The following MINDY2 variants were observed in gnomAD, a reference collection of about 807,000 sequenced individuals.
MINDY2 encodes the protein MINDY lysine 48 deubiquitinase 2.
In MINDY2, 52 loss-of-function variants were observed where a neutral mutation model predicts 68.2. The observed-to-expected ratio is 0.76, with a 90% confidence interval of 0.61 to 0.96. The LOEUF (loss-of-function observed/expected upper bound fraction) is 0.96. MINDY2 is among the 40% of genes least tolerant of loss of function. MINDY2 has a pLI of 0.00. For synonymous variants in MINDY2, 372 were observed against 303.0 expected (o/e 1.23, Z -2.36); for missense variants, 881 against 773.4 (o/e 1.14, Z -1.65).
intron 1 of MINDY2, among the ~76,000 whole-genome samples, chr15:58,774,996 G>A (rs1399706795): frequency 2.6e-5 from 4 of 152,160 alleles, no homozygotes; most frequent in Non-Finnish European, 4.4e-5. Flanking sequence ...AGTAATCATT[G>A]ATGAAGAGAT....
At chr15:58,815,625 G>A (rs1162066389) in intron 4 of MINDY2, 1 of 151,702 alleles carries the variant, frequency 6.6e-6, no homozygotes, top group African/African-American at 2.4e-5. Context: ...CTGCATTACA[G>A]GCATGAGCCA....
chr15:58,772,713 G>A lies in MINDY2; in HGVS notation c.840+478G>A, dbSNP rs1433009671. On this transcript the variant is annotated intron_variant, in intron 1 of 8. Coordinates refer to ENST00000559228, the MANE Select transcript of MINDY2 (RefSeq NM_001040450.3). ...TTGTGTGTAGATACTTAAGAGAATG[G>A]TGATGGGGAAGATGTGGCTCTTTAG... Among the ~76,000 whole-genome samples, 3 of 152,196 alleles carry A rather than the reference G, an allele frequency of 2.0e-5. No homozygotes were observed. In the East Asian group the frequency reaches 5.8e-4, roughly 29 times the overall value.
At chr15:58,834,885 A>G (rs1271849615) in intron 6 of MINDY2, among the ~76,000 whole-genome samples, 2 of 152,224 alleles carry the variant, frequency 1.3e-5, no homozygotes, top group East Asian at 3.8e-4. Context: ...GCTCATTTGT[A>G]TAACTTCAAC....
chr15:58,844,797 G>A (rs140997149), intron 6 of MINDY2, among the ~76,000 whole-genome samples: 38 of 149,422 alleles, frequency 2.5e-4, no homozygotes, highest in African/African-American at 8.9e-4. Context: ...TGCTCCTATA[G>A]TTGCAGCTAC....
At chr15:58,826,002 T>A (rs973048662) in intron 5 of MINDY2, among the ~76,000 whole-genome samples, 3 of 152,178 alleles carry the variant, frequency 2.0e-5, no homozygotes, top group Non-Finnish European at 4.4e-5. Flanking sequence ...TTATTGAGCC[T>A]TTATTATGTG....
intron 3 of MINDY2, among the ~76,000 whole-genome samples, chr15:58,809,156 G>A (rs1269372130): frequency 6.6e-6 from 1 of 152,140 alleles, no homozygotes; most frequent in Admixed American, 6.5e-5. Flanking sequence ...AGGCTGTGGT[G>A]AGCCATGATC....
At chr15:58,814,813 T>TA (rs1466827138) in intron 4 of MINDY2, among the ~76,000 whole-genome samples, 2 of 150,170 alleles carry the variant, frequency 1.3e-5, no homozygotes, top group African/African-American at 4.9e-5. Context: ...TTTTTTTTTT[T>TA]AGAAACGGCG....
At chr15:58,800,336 G>A (rs1169907364) in intron 2 of MINDY2, among the ~76,000 whole-genome samples, 1 of 151,980 alleles carries the variant, frequency 6.6e-6, no homozygotes, top group African/African-American at 2.4e-5. Flanking sequence ...CCCTAAATTA[G>A]CCTACATATC....
At chr15:58,853,276 T>G (rs1464670503) in intron 8 of MINDY2, among the ~76,000 whole-genome samples, 6 of 151,930 alleles carry the variant, frequency 3.9e-5, no homozygotes, top group African/African-American at 1.4e-4. Context: ...TTGATTCAGA[T>G]ACATAAGAAA....
rs748798122 is a variant in MINDY2, at chr15:58,771,445, C to A, written c.50C>A (p.Ala17Asp). The A allele has an allele frequency of 6.2e-7, 1 of 1,612,280 alleles. No homozygotes were observed. Among genetic ancestry groups the A allele is most frequent in the South Asian group, 1.1e-5 (1 of 91,068 alleles). Residue 17 changes from alanine to aspartate, a missense_variant, in exon 1 of 9, where the codon GCC becomes GAC. Transcript: ENST00000559228. ...CAGCCGCTAGAACACGGGGTGGCGG[C>A]CGGGCCAGCGTCAGGGACAGGTTCT... The part of the protein sequence containing the change: ...SLQPLEHGVA[A>D]GPASGTGSSQ...
intron 6 of MINDY2, among the ~76,000 whole-genome samples, chr15:58,843,186 G>T (rs2032361650): frequency 6.6e-6 from 1 of 152,130 alleles, no homozygotes; most frequent in South Asian, 2.1e-4. Flanking sequence ...GTCTCGCTCT[G>T]TCGCCCAAGC....
chr15:58,774,197 A>G (rs1413750195), intron 1 of MINDY2, among the ~76,000 whole-genome samples: 3 of 152,168 alleles, frequency 2.0e-5, no homozygotes, highest in Non-Finnish European at 4.4e-5. Context: ...AAATGCAAAG[A>G]TGAGGCCGGG....
intron 5 of MINDY2, among the ~76,000 whole-genome samples, chr15:58,831,230 G>C (rs2031714206): frequency 6.6e-6 from 1 of 151,886 alleles, no homozygotes; most frequent in African/African-American, 2.4e-5. Context: ...TTATCCCACG[G>C]CTTTCTGTTC....
At chr15:58,818,239 C>G (rs1331263375) in intron 4 of MINDY2, among the ~76,000 whole-genome samples, 1 of 152,098 alleles carries the variant, frequency 6.6e-6, no homozygotes, top group African/African-American at 2.4e-5. Flanking sequence ...TAATAGGCAT[C>G]CAAATAAATT....
intron 1 of MINDY2, among the ~76,000 whole-genome samples, chr15:58,784,722 T>C (rs1349346127): frequency 2.0e-5 from 3 of 150,712 alleles, no homozygotes; most frequent in Non-Finnish European, 4.4e-5. Context: ...TGGGTTCAAG[T>C]GGTGCTCCCA....
At chr15:58,817,856 T>C (rs1348946147) in intron 4 of MINDY2, 1 of 152,262 alleles carries the variant, frequency 6.6e-6, no homozygotes, top group Non-Finnish European at 1.5e-5. Context: ...GGTTTATCCA[T>C]TAAAGTTGAT....
At chr15:58,807,732 C>T (rs1434856484) in intron 3 of MINDY2, among the ~76,000 whole-genome samples, 2 of 152,226 alleles carry the variant, frequency 1.3e-5, no homozygotes. Context: ...AAAATGACTC[C>T]TTAATCTGAC....
At chr15:58,818,705 T>A in intron 4 of MINDY2, among the ~76,000 whole-genome samples, 1 of 148,566 alleles carries the variant, frequency 6.7e-6, no homozygotes. Context: ...CCAGGTGTGA[T>A]CTCGGCTCAC....
In MINDY2 at chr15:58,810,363, A is replaced by G; in HGVS notation, c.1097A>G (p.Tyr366Cys). The change falls in exon 4 of 9, where the codon TAC (tyrosine) becomes TGC (cysteine). Residue 366 changes from tyrosine (Y) to cysteine (C), a missense_variant. Tyr to Cys is a radical substitution (Grantham distance 194). Coordinates refer to ENST00000559228, the MANE Select transcript of MINDY2 (RefSeq NM_001040450.3). The part of the protein sequence containing the change: ...IVFDLLDIPL[Y>C]HGWLVDPQID... ...TTTGATCTTCTTGATATTCCTTTGT[A>G]CCATGGGTGGTTAGTAGACCCTCAG... The G allele has an allele frequency of 6.2e-7, 1 of 1,605,626 alleles. No homozygotes were observed. The highest frequency in any genetic ancestry group is 8.5e-7 in the Non-Finnish European group (1 of 1,176,692).
Sources: allele counts gnomAD v4.1 joint callset (sites outside exome capture counted in the v4.1 genomes callset), GRCh38; gene constraint gnomAD v4.1.1; transcripts MANE v1.5; gene names NCBI Gene and HGNC (gene_info 2026-07-23, HGNC 2026-07-21).